PIK3C2G: variants seen among roughly 807,000 people sequenced by gnomAD.
PIK3C2G encodes the protein phosphatidylinositol 3-kinase C2 domain-containing subunit gamma.
Under a neutral mutation model 181.1 loss-of-function variants are expected in PIK3C2G, and 168 were observed. That is an observed-to-expected ratio of 0.93 (90% CI 0.82 to 1.05). The LOEUF (loss-of-function observed/expected upper bound fraction) is 1.05. PIK3C2G is among the 50% of genes least tolerant of loss of function. PIK3C2G has a pLI of 0.00. For missense variants in PIK3C2G, 1,869 were observed against 1,732.8 expected (o/e 1.08, Z -1.40); for synonymous variants, 573 against 592.2 (o/e 0.97, Z 0.47).
chr12:18,325,569 G>A (rs999665228), intron 8 of PIK3C2G, among the ~76,000 whole-genome samples: 1 of 151,982 alleles, frequency 6.6e-6, no homozygotes, highest in Non-Finnish European at 1.5e-5. Context: ...TTAGCTGGGC[G>A]TGGTAGTGGG....
chr12:18,594,407 T>C (rs1947243428), intron 29 of PIK3C2G, 87 bp from the exon 30 acceptor site: 1 of 709,684 alleles, frequency 1.4e-6, no homozygotes, highest in Non-Finnish European at 2.3e-6. Flanking sequence ...TATTTTAAAA[T>C]GATATATATG....
intron 22 of PIK3C2G, among the ~76,000 whole-genome samples, chr12:18,500,984 C>T (rs888896883): frequency 6.6e-6 from 1 of 151,974 alleles, no homozygotes; most frequent in African/African-American, 2.4e-5. Flanking sequence ...TAACACTCAC[C>T]GCGTAGGTCC....
Position 18,391,271 on chromosome 12 carries a change from G to A in PIK3C2G, c.2126+19G>A. 1 of 1,538,806 alleles carries A rather than the reference G, an allele frequency of 6.5e-7. No homozygotes were observed. ...CCCTACTGTAAGTGACCTAGGTCTT[G>A]TGAATGAATTTTTGCCTGCTGTTTA... On this transcript the variant is annotated intron_variant, in intron 15 of 32. Transcript: ENST00000538779.
chr12:18,657,600 C>A, the PIK3C2G span, among the ~76,000 whole-genome samples: 1 of 151,952 alleles, frequency 6.6e-6, no homozygotes, highest in Non-Finnish European at 1.5e-5. Flanking sequence ...CTAAGCTAAC[C>A]GAAAAGAGAA....
At chr12:18,589,940 C>T (rs1946988221) in intron 29 of PIK3C2G, among the ~76,000 whole-genome samples, 1 of 151,886 alleles carries the variant, frequency 6.6e-6, no homozygotes, top group African/African-American at 2.4e-5. Flanking sequence ...CTTGCTCTCT[C>T]CTGCCTGTAC....
At chr12:18,538,026 G>A (rs1943949722) in intron 24 of PIK3C2G, 130 bp from the exon 25 acceptor site, 2 of 773,178 alleles carry the variant, frequency 2.6e-6, no homozygotes, top group Non-Finnish European at 4.1e-6. Flanking sequence ...TCACAATGAA[G>A]GAAATTTATC....
chr12:18,420,353 T>G (rs1366294450), intron 16 of PIK3C2G, among the ~76,000 whole-genome samples: 1 of 152,112 alleles, frequency 6.6e-6, no homozygotes. Context: ...AAACATTTAT[T>G]AAGTGCCTAA....
intron 31 of PIK3C2G, among the ~76,000 whole-genome samples, chr12:18,625,956 AT>A (rs993885195): frequency 7.2e-5 from 11 of 151,876 alleles, no homozygotes; most frequent in African/African-American, 2.2e-4. Context: ...TAGATCCTGT[AT>A]TTTTTTATCC....
the PIK3C2G span, chr12:18,723,222 A>G: frequency 9.2e-6 from 11 of 1,193,024 alleles, no homozygotes; most frequent in Non-Finnish European, 1.2e-5. Flanking sequence ...CACAATTCAT[A>G]AAAATACTTT....
chr12:18,414,828 A>G (rs933378660), intron 16 of PIK3C2G, among the ~76,000 whole-genome samples: 2 of 152,332 alleles, frequency 1.3e-5, no homozygotes, highest in South Asian at 4.1e-4. Context: ...TAATGCGGCC[A>G]ACACTTCCTA....
chr12:18,281,933 T>C (rs1949237329), intron 1 of PIK3C2G, 71 bp from the exon 2 acceptor site: 1 of 608,602 alleles, frequency 1.6e-6, no homozygotes, highest in South Asian at 2.2e-5. Context: ...TAGTTATTTA[T>C]CCTATATCTG....
chr12:18,620,525 G>A (rs544973200), intron 31 of PIK3C2G, among the ~76,000 whole-genome samples: 40 of 138,328 alleles, frequency 2.9e-4, no homozygotes, highest in South Asian at 1.2e-3. Context: ...TGATTAGACA[G>A]ACAGATAGAT....
chr12:18,722,972 A>G, the PIK3C2G span, among the ~76,000 whole-genome samples: 1 of 151,978 alleles, frequency 6.6e-6, no homozygotes, highest in Non-Finnish European at 1.5e-5. Context: ...TATCTTATTC[A>G]TGAGATCAAG....
intron 24 of PIK3C2G, among the ~76,000 whole-genome samples, chr12:18,511,002 C>A (rs1197336467): frequency 6.6e-6 from 1 of 152,132 alleles, no homozygotes; most frequent in Non-Finnish European, 1.5e-5. Context: ...CAACTCCTCA[C>A]TCCCTAAGAC....
intron 16 of PIK3C2G, among the ~76,000 whole-genome samples, chr12:18,404,369 T>C (rs1258164222): frequency 6.6e-6 from 1 of 151,988 alleles, no homozygotes; most frequent in African/African-American, 2.4e-5. Context: ...ATCAAAGAGG[T>C]AGATGAATAA....
At chr12:18,309,743 A>G (rs535596990) in intron 5 of PIK3C2G, among the ~76,000 whole-genome samples, 9 of 151,858 alleles carry the variant, frequency 5.9e-5, no homozygotes, top group Non-Finnish European at 1.0e-4. Flanking sequence ...TTTTTAAGTG[A>G]CACTGATTTT....
chr12:18,561,341 T>C (rs986051804), intron 26 of PIK3C2G, among the ~76,000 whole-genome samples: 2 of 152,298 alleles, frequency 1.3e-5, no homozygotes, highest in East Asian at 1.9e-4. Flanking sequence ...TAGACAGGCA[T>C]ACTGGCACAT....
chr12:18,560,830 A>T (rs1300811136), intron 26 of PIK3C2G, among the ~76,000 whole-genome samples: 1 of 152,198 alleles, frequency 6.6e-6, no homozygotes, highest in Non-Finnish European at 1.5e-5. Context: ...CCAATACAGA[A>T]GCATGTTTTA....
chr12:18,649,209 T>C (rs1228425120), downstream of PIK3C2G, among the ~76,000 whole-genome samples: 1 of 152,086 alleles, frequency 6.6e-6, no homozygotes, highest in Non-Finnish European at 1.5e-5. Flanking sequence ...TGGCATTGTT[T>C]CCTACATCAC....
Sources: gnomAD v4.1 joint callset for allele counts (sites outside exome capture counted in the v4.1 genomes callset) on GRCh38, gnomAD v4.1.1 for gene constraint, MANE v1.5 for transcripts, NCBI Gene and HGNC (gene_info 2026-07-23, HGNC 2026-07-21) for gene names.